VAT1L: variants seen among roughly 807,000 people sequenced by gnomAD.
The protein encoded by VAT1L is putative NADPH-dependent quinone oxidoreductase VAT1L.
Under a neutral mutation model 44.1 loss-of-function variants are expected in VAT1L, and 34 were observed. That is an observed-to-expected ratio of 0.77 (90% CI 0.59 to 1.03). The LOEUF (loss-of-function observed/expected upper bound fraction) is 1.03, where lower values mean the gene tolerates loss of function less well. VAT1L is among the 50% of genes least tolerant of loss of function. The pLI, the probability that VAT1L is intolerant of heterozygous loss-of-function variation, is 0.00. For synonymous variants in VAT1L, 253 were observed against 202.2 expected (o/e 1.25, Z -2.13); for missense variants, 615 against 538.8 (o/e 1.14, Z -1.40).
intron 1 of VAT1L, among the ~76,000 whole-genome samples, chr16:77,812,947 TTA>T (rs1164954113): frequency 1.3e-5 from 2 of 152,136 alleles, no homozygotes; most frequent in African/African-American, 2.4e-5. Context: ...TGGCAGAACT[TTA>T]TGTCAGGCAC....
intron 8 of VAT1L, among the ~76,000 whole-genome samples, chr16:77,972,623 A>G (rs189789500): frequency 1.3e-5 from 2 of 152,140 alleles, no homozygotes; most frequent in Non-Finnish European, 2.9e-5. Context: ...TCTACTAAAA[A>G]TACAAAAATT....
intron 7 of VAT1L, among the ~76,000 whole-genome samples, chr16:77,954,482 G>A (rs166224): frequency 0.16 from 23,893 of 152,064 alleles, 2,151 homozygotes; most frequent in South Asian, 0.22. Flanking sequence ...AAAATTAGCC[G>A]GGTGTGGTAG....
chr16:77,826,757 A>T (rs984474743), intron 3 of VAT1L, among the ~76,000 whole-genome samples: 1 of 152,234 alleles, frequency 6.6e-6, no homozygotes, highest in African/African-American at 2.4e-5. Flanking sequence ...AGTTCAAAAC[A>T]TATTAATTAA....
chr16:77,978,977 TG>T lies in VAT1L; in HGVS notation c.*1284del, dbSNP rs1234861333. 1.3e-5 allele frequency: 2 copies of T among 152,206 alleles called. No homozygotes were observed. The highest frequency in any genetic ancestry group is 4.8e-5 in the African/African-American group (2 of 41,440). The allele number at this position is 152,206 out of a possible 1,614,324, so 9.4% of individuals were successfully genotyped here. A position where few individuals can be genotyped will look rare whatever the true frequency, so the allele number is the denominator to read the frequency against. On this transcript the variant is annotated 3_prime_UTR_variant, in exon 9 of 9. Transcript: ENST00000302536. Reference sequence around the variant, plus strand: ...CTTAACTATCACTCACAAACAAATGTGGAGATACCAGGAGCTCATTTGATTC... The same window carrying T: ...CTTAACTATCACTCACAAACAAATGTGAGATACCAGGAGCTCATTTGATTC...
chr16:77,953,229 T>C (rs929760622), intron 7 of VAT1L, among the ~76,000 whole-genome samples: 1 of 152,172 alleles, frequency 6.6e-6, no homozygotes, highest in African/African-American at 2.4e-5. Context: ...CGGCTGACAT[T>C]TGGATTTCAG....
At position 77,943,379 on chromosome 16, in the gene VAT1L, TC is replaced by T. The variant is rs1353412483; in HGVS notation, c.1078-28470del. On this transcript the variant is annotated intron_variant, in intron 7 of 8. Transcript: ENST00000302536. ...GCACTTGGCCTATTTTCTTTTTCTT[TC>T]TTTTTTTTTTTTTTTTTGAGACAGA... is the stretch of plus-strand genomic sequence containing the variant. Among the ~76,000 whole-genome samples, 86 of 141,502 alleles carry T rather than the reference TC, an allele frequency of 6.1e-4. No individual in the cohort carries two copies. In the South Asian group the frequency reaches 8.1e-3, roughly 13 times the overall value. 92.8% of individuals were successfully genotyped at this position (141,502 alleles called of 152,430 possible). A position where few individuals can be genotyped will look rare whatever the true frequency, so the allele number is the denominator to read the frequency against.
intron 1 of VAT1L, among the ~76,000 whole-genome samples, chr16:77,803,723 A>G (rs1405715409): frequency 6.6e-6 from 1 of 152,084 alleles, no homozygotes; most frequent in Non-Finnish European, 1.5e-5. Flanking sequence ...CTGGCTACAC[A>G]TTCTTTTTAT....
intron 7 of VAT1L, among the ~76,000 whole-genome samples, chr16:77,921,591 A>G (rs1567508970): frequency 6.6e-6 from 1 of 152,122 alleles, no homozygotes; most frequent in Non-Finnish European, 1.5e-5. Context: ...TTTCGTATCT[A>G]TTTTATCTGT....
At chr16:77,835,299 GTC>G (rs2016627406) in intron 3 of VAT1L, among the ~76,000 whole-genome samples, 1 of 152,170 alleles carries the variant, frequency 6.6e-6, no homozygotes, top group Non-Finnish European at 1.5e-5. Flanking sequence ...CTATTAAGCA[GTC>G]TTTGGGGTTC....
intron 3 of VAT1L, among the ~76,000 whole-genome samples, chr16:77,833,832 G>T (rs946285446): frequency 1.3e-5 from 2 of 152,090 alleles, no homozygotes; most frequent in African/African-American, 4.8e-5. Context: ...CATTAGAAGT[G>T]GAGGTGGGCT....
chr16:77,919,473 A>G (rs75562468), intron 7 of VAT1L, among the ~76,000 whole-genome samples: 1 of 152,076 alleles, frequency 6.6e-6, no homozygotes, highest in Admixed American at 6.5e-5. Context: ...GAACTGAAAA[A>G]CACCACCCGC....
intron 3 of VAT1L, among the ~76,000 whole-genome samples, chr16:77,857,409 A>G: frequency 6.6e-6 from 1 of 152,178 alleles, no homozygotes; most frequent in South Asian, 2.1e-4. Flanking sequence ...GTGGGAAGGC[A>G]CTTTTCTGCT....
At chr16:77,833,710 C>T (rs2016607491) in intron 3 of VAT1L, among the ~76,000 whole-genome samples, 1 of 151,510 alleles carries the variant, frequency 6.6e-6, no homozygotes, top group Non-Finnish European at 1.5e-5. Flanking sequence ...GGGATCACAC[C>T]ATTGCACTCC....
At chr16:77,974,858 T>G (rs931743914) in intron 8 of VAT1L, among the ~76,000 whole-genome samples, 1 of 152,042 alleles carries the variant, frequency 6.6e-6, no homozygotes, top group African/African-American at 2.4e-5. Flanking sequence ...CATGAGACAC[T>G]GTACCGGGCC....
chr16:77,890,344 G>C (rs766616208), intron 7 of VAT1L, among the ~76,000 whole-genome samples: 1 of 152,092 alleles, frequency 6.6e-6, no homozygotes, highest in Non-Finnish European at 1.5e-5. Flanking sequence ...GATTTGTTTG[G>C]TCAATGGAGT....
intron 7 of VAT1L, among the ~76,000 whole-genome samples, chr16:77,919,509 G>A (rs985256159): frequency 1.3e-5 from 2 of 152,200 alleles, no homozygotes; most frequent in African/African-American, 4.8e-5. Context: ...AGCTGGGGTA[G>A]GATGAATGAT....
chr16:77,912,954 A>G (rs570479374), intron 7 of VAT1L, among the ~76,000 whole-genome samples: 1 of 152,184 alleles, frequency 6.6e-6, no homozygotes, highest in South Asian at 2.1e-4. Context: ...CCCATCTCGA[A>G]GGCTTCATCC....
Position 77,946,685 on chromosome 16 carries a change from C to G in VAT1L, c.1078-25165C>G, listed in dbSNP as rs578087504. On this transcript the variant is annotated intron_variant, in intron 7 of 8. Transcript: ENST00000302536. ...GCTATACCAACAAAAATGAACATGT[C>G]ACTCTGGGAAGATGTGACTTCAATT... Among the ~76,000 whole-genome samples, 14 of 152,304 alleles carry G rather than the reference C, an allele frequency of 9.2e-5. No homozygotes were observed. In the East Asian group the frequency reaches 2.7e-3, roughly 29 times the overall value.
intron 4 of VAT1L, among the ~76,000 whole-genome samples, chr16:77,874,161 G>A (rs565860431): frequency 1.7e-4 from 26 of 152,208 alleles, no homozygotes; most frequent in Middle Eastern, 6.8e-3. Context: ...AGGTATGCAT[G>A]GCCTAATATT....
Sources: allele counts gnomAD v4.1 joint callset (sites outside exome capture counted in the v4.1 genomes callset), GRCh38; gene constraint gnomAD v4.1.1; transcripts MANE v1.5; gene names NCBI Gene and HGNC (gene_info 2026-07-23, HGNC 2026-07-21).